Variants in EP400 observed in about 807,000 individuals in gnomAD.
EP400 encodes E1A-binding protein p400.
A neutral mutation model predicts 354.1 loss-of-function variants in EP400; 105 were observed. The ratio of observed to expected loss-of-function variants is 0.30; its 90% CI spans 0.25 to 0.35. EP400 has a LOEUF of 0.35. Among genes scored for constraint, EP400 ranks in the 10% least tolerant of loss-of-function variants. The probability of loss-of-function intolerance (pLI) is 1.00; values close to 1 mark genes in which losing one functional copy is unlikely to be tolerated. For missense variants in EP400, 3,280 were observed against 4,121.0 expected (o/e 0.80, Z 5.59); for synonymous variants, 1,646 against 1,716.9 (o/e 0.96, Z 1.02).
At chr12:132,047,261 T>G (rs1895133631) in intron 39 of EP400, among the ~76,000 whole-genome samples, 1 of 152,204 alleles carries the variant, frequency 6.6e-6, no homozygotes, top group Non-Finnish European at 1.5e-5. Context: ...CTTCCTGGAA[T>G]CTTGCATTAA....
rs576597859 is a variant in EP400 at position 132,069,530 on chromosome 12, G to A, written c.8910G>A (p.Gln2970=). 4 of 1,614,222 alleles carry A rather than the reference G, an allele frequency of 2.5e-6. No individual in the cohort carries two copies. The African/African-American group carries it at 5.3e-5, about 22-fold the overall frequency. ...TAQQITTPGA[Q]QKVAYAAQPA... ...AGCAGATCACCACCCCTGGCGCGCA[G>A]CAGAAGGTTGCCTACGCCGCGCAGC... The change falls in exon 51 of 53, where the codon CAG becomes CAA. Residue 2970 remains glutamine, a synonymous_variant. Coordinates refer to ENST00000389561, the MANE Select transcript of EP400 (RefSeq NM_015409.5).
intron 39 of EP400, among the ~76,000 whole-genome samples, chr12:132,046,242 G>A (rs1340468825): frequency 6.6e-6 from 1 of 152,132 alleles, no homozygotes; most frequent in Non-Finnish European, 1.5e-5. Flanking sequence ...TGAATACTTG[G>A]CCATATATAT....
intron 37 of EP400, 102 bp from the exon 38 acceptor site, chr12:132,045,217 C>G: frequency 6.6e-7 from 1 of 1,523,386 alleles, no homozygotes; most frequent in Middle Eastern, 1.9e-4. Flanking sequence ...GCCTCTTTGC[C>G]CAGGCACCTC....
chr12:132,042,690 G>A (rs12426478), intron 32 of EP400, among the ~76,000 whole-genome samples: 19,124 of 152,218 alleles, frequency 0.13, 1,649 homozygotes, highest in African/African-American at 0.24. Flanking sequence ...CATGTCAGAT[G>A]TCTTTTGCCC....
intron 51 of EP400, chr12:132,076,192 A>G (rs990631026): frequency 4.8e-6 from 2 of 415,430 alleles, no homozygotes; most frequent in Admixed American, 3.4e-5. Context: ...CAAGACGCTC[A>G]AATACTTACC....
intron 2 of EP400, among the ~76,000 whole-genome samples, chr12:131,977,355 G>A (rs933393179): frequency 6.7e-6 from 1 of 149,352 alleles, no homozygotes; most frequent in Non-Finnish European, 1.5e-5. Context: ...CCATGGTCTC[G>A]ATCTCCTGCC....
chr12:131,961,642 C>T lies in EP400; in HGVS notation c.1023C>T (p.Asn341=), dbSNP rs1246496467. The change falls in exon 2 of 53, where the codon AAC becomes AAT. Residue 341 remains asparagine, a synonymous_variant. Coordinates refer to ENST00000389561, the MANE Select transcript of EP400 (RefSeq NM_015409.5). ...GCCTCCCACTCACGTCTGTGGGGAA[C>T]ACGGGAATGAAGAAGGTTCCCAAGA... ...LSSLPLTSVG[N]TGMKKVPKKL... is the part of the protein sequence containing the mutation. The T allele has an allele frequency of 8.7e-6, 14 of 1,601,214 alleles. No homozygotes were observed. Among genetic ancestry groups the T allele is most frequent in the Non-Finnish European group, 1.0e-5 (12 of 1,173,066 alleles).
Position 132,079,901 on chromosome 12 carries a change from A to C in EP400, c.*2228A>C, listed in dbSNP as rs1055669382. 1 of 151,780 alleles carries C rather than the reference A, an allele frequency of 6.6e-6. No individual in the cohort carries two copies. The highest frequency in any genetic ancestry group is 1.5e-5 in the Non-Finnish European group (1 of 67,958). The allele number at this position is 151,780 out of a possible 1,614,324, so 9.4% of individuals were successfully genotyped here. A position where few individuals can be genotyped will look rare whatever the true frequency, so the allele number is the denominator to read the frequency against. On this transcript the variant is annotated 3_prime_UTR_variant, in exon 53 of 53. Coordinates refer to ENST00000389561, the MANE Select transcript of EP400 (RefSeq NM_015409.5). ...AATTCATTTAGTCGTGTACGTAAAAACTCTCCTTTTAGTGTGTTATTTTCT... is the reference window on the plus strand; with the variant it reads ...AATTCATTTAGTCGTGTACGTAAAACCTCTCCTTTTAGTGTGTTATTTTCT...
Position 132,050,537 on chromosome 12 carries a change from A to G in EP400, c.7338-62A>G. 6.2e-7 allele frequency: 1 copy of G among 1,613,414 alleles called. No homozygotes were observed. The highest frequency in any genetic ancestry group is 1.1e-5 in the South Asian group (1 of 91,064). Reference sequence around the variant, plus strand: ...GAAGCTTGGTTTTGATGTGTTTTTAACATACCCTTCTTCAGATATTTCCTT... The same window carrying G: ...GAAGCTTGGTTTTGATGTGTTTTTAGCATACCCTTCTTCAGATATTTCCTT... On this transcript the variant is annotated intron_variant, in intron 40 of 52. Coordinates refer to ENST00000389561, the MANE Select transcript of EP400 (RefSeq NM_015409.5). The surrounding 1 kb of genome is among the most constrained non-coding windows in gnomAD (Gnocchi z 4.8).
At chr12:132,021,485 C>T (rs1894121708) in intron 23 of EP400, among the ~76,000 whole-genome samples, 164 bp downstream of exon 23, 1 of 152,278 alleles carries the variant, frequency 6.6e-6, no homozygotes, top group African/African-American at 2.4e-5. Context: ...CGGCATGAGT[C>T]TAGCAGGGAG....
chr12:132,008,197 C>G (rs1188572260), intron 15 of EP400, among the ~76,000 whole-genome samples: 1 of 152,238 alleles, frequency 6.6e-6, no homozygotes, highest in Non-Finnish European at 1.5e-5. Context: ...ATCCGCCTGC[C>G]TTGACCTTCC....
chr12:132,017,812 C>G lies in EP400; in HGVS notation c.4110+91C>G. On this transcript the variant is annotated intron_variant, in intron 20 of 52. Coordinates refer to ENST00000389561, the MANE Select transcript of EP400 (RefSeq NM_015409.5). The surrounding 1 kb of genome is among the most constrained non-coding windows in gnomAD (Gnocchi z 5.0). ...ACCATTCTTGGAAATGGGTTCTCAA[C>G]CAGCTCTTCTGCAATTGCAATTGCA... The G allele has an allele frequency of 7.4e-7, 1 of 1,359,446 alleles. No individual in the cohort carries two copies. The highest frequency in any genetic ancestry group is 9.8e-7 in the Non-Finnish European group (1 of 1,021,890). The allele number at this position is 1,359,446 out of a possible 1,614,324, so 84.2% of individuals were successfully genotyped here.
rs1392288134 is a variant in EP400 at position 132,023,947 on chromosome 12, G to A, written c.4855+6G>A. On this transcript the variant is annotated splice_donor_region_variant and intron_variant, in intron 24 of 52. Coordinates refer to ENST00000389561, the MANE Select transcript of EP400 (RefSeq NM_015409.5). ...CCAGCCGCTGCAGCTGCAAGGTAAG[G>A]ATAAGGATGAGAGAGCACTGATGCC... 2 of 1,596,264 alleles carry A rather than the reference G, an allele frequency of 1.3e-6. No individual in the cohort carries two copies. The highest frequency in any genetic ancestry group is 2.2e-5 in the East Asian group (1 of 44,484).
rs143316955 is a variant in EP400, at chr12:131,957,796, A to G, written c.-35-2789A>G. Among the ~76,000 whole-genome samples the G allele has an allele frequency of 7.7e-3, 1,168 of 152,200 alleles. 20 individuals are homozygous for G. Among genetic ancestry groups the G allele is most frequent in the African/African-American group, 0.027 (1,103 of 41,508 alleles). On this transcript the variant is annotated intron_variant, in intron 1 of 52. Transcript: ENST00000389561. ...TTTTTAGTAGAAATGGGGTTTCACC[A>G]TGTTGGTTAGGCTGGTGTCGAACTC...
At position 132,027,285 on chromosome 12, in the gene EP400, G is replaced by C; in HGVS notation, c.5015-152G>C. 1.4e-6 allele frequency: 1 copy of C among 738,342 alleles called. No individual in the cohort carries two copies. The highest frequency in any genetic ancestry group is 2.1e-5 in the Admixed American group (1 of 47,752). 45.7% of individuals were successfully genotyped at this position (738,342 alleles called of 1,614,324 possible). On this transcript the variant is annotated intron_variant, in intron 25 of 52. Coordinates refer to ENST00000389561, the MANE Select transcript of EP400 (RefSeq NM_015409.5). This position sits in a 1 kb window ranked among gnomAD's most constrained non-coding sequence, Gnocchi z 4.9. ...CCCATGCACATTCCAGGCATGTGCT[G>C]GTGGAGGATGAGGACTTGGGGACAT...
chr12:132,059,846 G>C (rs931280090), intron 45 of EP400, among the ~76,000 whole-genome samples: 5 of 151,050 alleles, frequency 3.3e-5, no homozygotes, highest in South Asian at 4.2e-4. Context: ...GAAACCCCGT[G>C]TCTACAGAAA....
intron 51 of EP400, among the ~76,000 whole-genome samples, chr12:132,071,576 C>T (rs990365922): frequency 6.6e-6 from 1 of 152,242 alleles, no homozygotes; most frequent in East Asian, 1.9e-4. Context: ...CCTGTTGCTA[C>T]TGTCAGCTCC....
At chr12:131,970,366 A>C (rs535124807) in intron 2 of EP400, among the ~76,000 whole-genome samples, 1 of 152,328 alleles carries the variant, frequency 6.6e-6, no homozygotes, top group South Asian at 2.1e-4. Flanking sequence ...GCTTTTGATG[A>C]GAGTGGAGCT....
chr12:132,024,884 G>A (rs1344106573), intron 24 of EP400, among the ~76,000 whole-genome samples: 1 of 149,554 alleles, frequency 6.7e-6, no homozygotes, highest in East Asian at 2.0e-4. Flanking sequence ...TGCAGCCTCA[G>A]CGACTGCCTT....
Sources: gnomAD v4.1 joint callset for allele counts (sites outside exome capture counted in the v4.1 genomes callset) on GRCh38, gnomAD v4.1.1 for gene constraint, Gnocchi (gnomAD v3.1) non-coding constraint, MANE v1.5 for transcripts, NCBI Gene and HGNC (gene_info 2026-07-23, HGNC 2026-07-21) for gene names.